SPHKAP: variants seen among roughly 807,000 people sequenced by gnomAD.
SPHKAP encodes A-kinase anchor protein SPHKAP.
SPHKAP carries 67 observed loss-of-function variants against 137.5 expected under a neutral mutation model. That is an observed-to-expected ratio of 0.49 (90% CI 0.40 to 0.60). The LOEUF is 0.60. Among genes scored for constraint, SPHKAP ranks in the 20% least tolerant of loss-of-function variants. The pLI, the probability that SPHKAP is intolerant of heterozygous loss-of-function variation, is 0.00. For synonymous variants in SPHKAP, 813 were observed against 785.3 expected (o/e 1.04, Z -0.59); for missense variants, 2,097 against 2,069.3 (o/e 1.01, Z -0.26).
rs540310667 is a variant in SPHKAP at position 228,001,718 on chromosome 2, G to T, written c.4449-6024C>A. ...ATATCTCCTAATGCTATCCCTCCCC[G>T]CTCCCCGCAGCCCACAACAGGCCCT... On this transcript the variant is annotated intron_variant, in intron 7 of 11. Transcript: ENST00000392056. 2.2e-4 allele frequency among the ~76,000 whole-genome samples: 34 copies of T among 151,414 alleles called. No individual in the cohort carries two copies. In the South Asian group the frequency reaches 7.1e-3, roughly 32 times the overall value.
chr2:228,181,673 C>A lies in SPHKAP; in HGVS notation c.-75G>T, dbSNP rs1700921444. ...AGTCTGTGGTGCTAGGACCCAGCTC[C>A]CAGAGTGCCAGACTGGCGCGCGCCA... On this transcript the variant is annotated 5_prime_UTR_variant, in exon 1 of 12. Transcript: ENST00000392056. This position sits in a 1 kb window ranked among gnomAD's most constrained non-coding sequence, Gnocchi z 4.3. The A allele has an allele frequency of 1.9e-6, 3 of 1,613,612 alleles. No homozygotes were observed. The highest frequency in any genetic ancestry group is 2.5e-6 in the Non-Finnish European group (3 of 1,179,780).
At chr2:228,054,643 A>G (rs1696374670) in intron 3 of SPHKAP, among the ~76,000 whole-genome samples, 1 of 152,128 alleles carries the variant, frequency 6.6e-6, no homozygotes, top group South Asian at 2.1e-4. Flanking sequence ...AGAATTTCTA[A>G]AAGTGGGACT....
chr2:228,131,089 G>T (rs1227481168), intron 2 of SPHKAP, among the ~76,000 whole-genome samples: 4 of 151,780 alleles, frequency 2.6e-5, no homozygotes, highest in African/African-American at 9.7e-5. Context: ...CTGCTTAACT[G>T]GGTATACATA....
intron 3 of SPHKAP, among the ~76,000 whole-genome samples, chr2:228,041,204 T>A (rs1228548390): frequency 6.6e-6 from 1 of 152,216 alleles, no homozygotes; most frequent in African/African-American, 2.4e-5. Flanking sequence ...AATCAGCAAT[T>A]TTTTGTTGAA....
chr2:228,021,688 G>C, intron 6 of SPHKAP, 23 bp downstream of exon 6: 2 of 1,566,142 alleles, frequency 1.3e-6, no homozygotes, highest in Non-Finnish European at 1.7e-6. Flanking sequence ...AATTTCAGGA[G>C]GCACTAATTG....
chr2:228,022,889 C>G lies in SPHKAP; in HGVS notation c.442-923G>C, dbSNP rs182673803. On this transcript the variant is annotated intron_variant, in intron 5 of 11. Coordinates refer to ENST00000392056, the MANE Select transcript of SPHKAP (RefSeq NM_001142644.2). Reference sequence around the variant, plus strand: ...GTACTTCAGATGTACAGTAAGTGTTCTATCAACTACAGTTAGATTCTATAA... The same window carrying G: ...GTACTTCAGATGTACAGTAAGTGTTGTATCAACTACAGTTAGATTCTATAA... 3.1e-3 allele frequency among the ~76,000 whole-genome samples: 470 copies of G among 152,306 alleles called. 1 individual carries two copies. Among genetic ancestry groups the G allele is most frequent in the African/African-American group, 0.011 (444 of 41,558 alleles).
At chr2:228,063,678 T>C (rs1482441017) in intron 3 of SPHKAP, among the ~76,000 whole-genome samples, 2 of 151,862 alleles carry the variant, frequency 1.3e-5, no homozygotes, top group Admixed American at 6.6e-5. Context: ...CACGACAGAG[T>C]TTAGGTGGCT....
intron 2 of SPHKAP, among the ~76,000 whole-genome samples, chr2:228,109,868 G>A (rs1220599846): frequency 1.5e-5 from 2 of 133,178 alleles, no homozygotes; most frequent in Non-Finnish European, 3.1e-5. Flanking sequence ...TGAGACAGGA[G>A]AATCACTTGA....
intron 3 of SPHKAP, among the ~76,000 whole-genome samples, chr2:228,068,290 C>G (rs890165771): frequency 6.6e-6 from 1 of 151,956 alleles, no homozygotes; most frequent in Non-Finnish European, 1.5e-5. Context: ...ACTGTTAAAA[C>G]GTCCATACTA....
chr2:228,083,282 GAACT>G (rs1269300941), intron 3 of SPHKAP, among the ~76,000 whole-genome samples: 1 of 152,240 alleles, frequency 6.6e-6, no homozygotes, highest in African/African-American at 2.4e-5. Flanking sequence ...CAGAATGGCT[GAACT>G]AATTTATATT....
At chr2:228,022,582 G>C (rs1694882876) in intron 5 of SPHKAP, among the ~76,000 whole-genome samples, 1 of 152,142 alleles carries the variant, frequency 6.6e-6, no homozygotes, top group South Asian at 2.1e-4. Flanking sequence ...AGGTCCTTGA[G>C]AAAGACATTT....
chr2:228,173,813 G>A (rs902738738), intron 1 of SPHKAP, among the ~76,000 whole-genome samples: 2 of 152,122 alleles, frequency 1.3e-5, no homozygotes, highest in African/African-American at 2.4e-5. Context: ...AAAGCAATAC[G>A]ATGCCTTTAT....
intron 1 of SPHKAP, among the ~76,000 whole-genome samples, chr2:228,157,798 C>A (rs999208201): frequency 1.4e-4 from 21 of 151,582 alleles, no homozygotes; most frequent in Admixed American, 5.3e-4. Flanking sequence ...ACATGGAGGG[C>A]AAAATATTTT....
At chr2:228,097,867 T>C (rs1698040909) in intron 3 of SPHKAP, among the ~76,000 whole-genome samples, 1 of 152,234 alleles carries the variant, frequency 6.6e-6, no homozygotes, top group African/African-American at 2.4e-5. Flanking sequence ...CCACATTTTC[T>C]TTACCCAGTC....
intron 1 of SPHKAP, among the ~76,000 whole-genome samples, chr2:228,160,338 A>G (rs760462025): frequency 5.3e-5 from 8 of 152,230 alleles, no homozygotes; most frequent in Non-Finnish European, 1.2e-4. Flanking sequence ...TCACACTGCT[A>G]TAAAGAACTG....
Position 228,133,044 on chromosome 2 carries a change from C to T in SPHKAP, c.33-959G>A, listed in dbSNP as rs537681347. ...AAAAAAGGCCGGGCATGGTGGCTCA[C>T]GCCTGTAATACCAGCACTTTCGGAG... On this transcript the variant is annotated intron_variant, in intron 1 of 11. Coordinates refer to ENST00000392056, the MANE Select transcript of SPHKAP (RefSeq NM_001142644.2). 2.5e-3 allele frequency among the ~76,000 whole-genome samples: 371 copies of T among 151,392 alleles called. 1 individual carries two copies. The highest frequency in any genetic ancestry group is 0.014 in the Middle Eastern group (4 of 294).
chr2:227,992,713 C>T (rs1054512302), intron 9 of SPHKAP, among the ~76,000 whole-genome samples: 1 of 152,140 alleles, frequency 6.6e-6, no homozygotes, highest in Admixed American at 6.5e-5. Context: ...CACTGTCACC[C>T]TCAATCACTG....
intron 7 of SPHKAP, among the ~76,000 whole-genome samples, chr2:228,007,053 C>T (rs1164203760): frequency 1.3e-5 from 2 of 152,216 alleles, no homozygotes; most frequent in African/African-American, 4.8e-5. Context: ...AGAACCACTA[C>T]TCTCTTCAAA....
intron 1 of SPHKAP, among the ~76,000 whole-genome samples, chr2:228,155,495 T>C (rs181201176): frequency 3.5e-4 from 53 of 152,288 alleles, no homozygotes; most frequent in African/African-American, 1.1e-3. Context: ...TATTTCCAAA[T>C]AGCCAAAGTT....
Sources: gnomAD v4.1 joint callset for allele counts (sites outside exome capture counted in the v4.1 genomes callset) on GRCh38, gnomAD v4.1.1 for gene constraint, Gnocchi (gnomAD v3.1) non-coding constraint, MANE v1.5 for transcripts, NCBI Gene and HGNC (gene_info 2026-07-23, HGNC 2026-07-21) for gene names.